The following TTLL5 variants were observed in gnomAD, a reference collection of about 807,000 sequenced individuals.
TTLL5 encodes the protein tubulin tyrosine ligase like 5.
TTLL5 carries 132 observed loss-of-function variants against 168.4 expected under a neutral mutation model. That is an observed-to-expected ratio of 0.78 (90% CI 0.68 to 0.91). TTLL5 has a LOEUF of 0.91. Among genes scored for constraint, TTLL5 ranks in the 40% least tolerant of loss-of-function variants. The pLI is 0.00. For missense variants in TTLL5, 1,545 were observed against 1,581.5 expected (o/e 0.98, Z 0.39); for synonymous variants, 546 against 558.6 (o/e 0.98, Z 0.32).
chr14:75,681,708 G>A lies in TTLL5; in HGVS notation c.264+81G>A, dbSNP rs1042138407. On this transcript the variant is annotated intron_variant, in intron 4 of 31. Transcript: ENST00000298832. Reference sequence around the variant, plus strand: ...ACCTAACTGACTTTACCAGTTAACAGGGCCAGCTCCAGGAAGTACATGGGA... The same window carrying A: ...ACCTAACTGACTTTACCAGTTAACAAGGCCAGCTCCAGGAAGTACATGGGA... The A allele has an allele frequency of 1.4e-5, 17 of 1,221,310 alleles. No homozygotes were observed. The Middle Eastern group carries it at 5.6e-4, about 41-fold the overall frequency. The allele number at this position is 1,221,310 out of a possible 1,614,324, so 75.7% of individuals were successfully genotyped here. A position where few individuals can be genotyped will look rare whatever the true frequency, so the allele number is the denominator to read the frequency against.
intron 30 of TTLL5, among the ~76,000 whole-genome samples, chr14:75,889,868 C>T (rs1489953736): frequency 1.7e-4 from 15 of 88,552 alleles, no homozygotes; most frequent in Non-Finnish European, 2.9e-4. Context: ...AGGGAAGAAG[C>T]GAGGGAGGGA....
chr14:75,681,457 T>G, intron 3 of TTLL5, 88 bp from the exon 4 acceptor site: 1 of 990,434 alleles, frequency 1.0e-6, no homozygotes, highest in Non-Finnish European at 1.6e-6. Flanking sequence ...GTAATGTTAT[T>G]GAGTATAATT....
chr14:75,768,734 G>C (rs573846647), intron 20 of TTLL5, among the ~76,000 whole-genome samples: 2 of 152,192 alleles, frequency 1.3e-5, no homozygotes, highest in South Asian at 4.1e-4. Context: ...ATGCATGATA[G>C]TCTTTATTTC....
chr14:75,745,309 GA>G (rs1358958976), intron 16 of TTLL5, 101 bp downstream of exon 16: 1 of 1,274,212 alleles, frequency 7.8e-7, no homozygotes, highest in African/African-American at 1.5e-5. Flanking sequence ...GTCTTACATT[GA>G]AAAGAGAAAG....
At chr14:75,946,361 A>G (rs749763400) in intron 31 of TTLL5, among the ~76,000 whole-genome samples, 3 of 152,242 alleles carry the variant, frequency 2.0e-5, no homozygotes, top group Admixed American at 1.3e-4. Context: ...AAATGAATAA[A>G]GTATTTAAAA....
intron 3 of TTLL5, among the ~76,000 whole-genome samples, chr14:75,671,653 A>G (rs1644417717): frequency 6.6e-6 from 1 of 152,152 alleles, no homozygotes; most frequent in Non-Finnish European, 1.5e-5. Context: ...TGTTATTGTA[A>G]ATAGAATTGT....
chr14:75,775,219 A>G (rs1019921788), intron 21 of TTLL5, among the ~76,000 whole-genome samples: 11 of 152,040 alleles, frequency 7.2e-5, no homozygotes, highest in African/African-American at 2.7e-4. Context: ...TACAACTGCT[A>G]CTTTATTACA....
intron 31 of TTLL5, among the ~76,000 whole-genome samples, chr14:75,927,295 T>C (rs1314562777): frequency 6.6e-6 from 1 of 152,222 alleles, no homozygotes; most frequent in Non-Finnish European, 1.5e-5. Flanking sequence ...AAGTTATTGT[T>C]AACTATAACC....
rs1478958371 is a variant in TTLL5 at position 75,681,540 on chromosome 14, T to C, written c.182-5T>C. On this transcript the variant is annotated splice_polypyrimidine_tract_variant and splice_region_variant and intron_variant, in intron 3 of 31. Transcript: ENST00000298832. ...GTTACTGAACTTGATTCTGTTTTTC[T>C]TTAGAACGTTATCATTTGTCTTATA... The C allele has an allele frequency of 2.5e-6, 4 of 1,612,316 alleles. No homozygotes were observed. The highest frequency in any genetic ancestry group is 8.5e-7 in the Non-Finnish European group (1 of 1,179,596).
chr14:75,757,514 C>G (rs563040812), intron 18 of TTLL5, among the ~76,000 whole-genome samples: 1 of 152,308 alleles, frequency 6.6e-6, no homozygotes, highest in African/African-American at 2.4e-5. Flanking sequence ...GAATTAACAA[C>G]CTTCTTCACA....
intron 28 of TTLL5, among the ~76,000 whole-genome samples, chr14:75,843,989 T>G (rs1242817033): frequency 6.6e-6 from 1 of 151,732 alleles, no homozygotes; most frequent in African/African-American, 2.4e-5. Context: ...ACCTCCCAAG[T>G]TCAGGAGATT....
intron 31 of TTLL5, among the ~76,000 whole-genome samples, chr14:75,914,033 A>AAAAAAAAAAAAAAATATATATATAT: frequency 3.7e-4 from 26 of 71,048 alleles, no homozygotes; most frequent in East Asian, 1.3e-3. Context: ...AAAAAAAAAA[A>AAAAAAAAAAAAAAATATATATATAT]ATATATATAT....
chr14:75,763,931 T>C (rs1174184368), intron 18 of TTLL5, among the ~76,000 whole-genome samples: 1 of 152,198 alleles, frequency 6.6e-6, no homozygotes, highest in Non-Finnish European at 1.5e-5. Flanking sequence ...ACTTAACGCC[T>C]GTAAAGTCCC....
chr14:75,908,155 G>A (rs553342843), intron 31 of TTLL5, among the ~76,000 whole-genome samples: 25 of 152,352 alleles, frequency 1.6e-4, no homozygotes, highest in Middle Eastern at 3.4e-3. Flanking sequence ...GACTGATGCT[G>A]TGCTTTGTGA....
At chr14:75,772,808 C>T (rs1891428208) in intron 21 of TTLL5, among the ~76,000 whole-genome samples, 2 of 152,158 alleles carry the variant, frequency 1.3e-5, no homozygotes, top group Admixed American at 1.3e-4. Context: ...GCTGTGATTA[C>T]AGGCACCCAC....
chr14:75,933,461 C>G (rs79261088), intron 31 of TTLL5, among the ~76,000 whole-genome samples: 1 of 152,072 alleles, frequency 6.6e-6, no homozygotes, highest in African/African-American at 2.4e-5. Context: ...GACTCTATCT[C>G]AAAAAATAAA....
At chr14:75,910,213 T>G (rs2033316392) in intron 31 of TTLL5, among the ~76,000 whole-genome samples, 1 of 152,238 alleles carries the variant, frequency 6.6e-6, no homozygotes, top group Non-Finnish European at 1.5e-5. Flanking sequence ...TACTTTGTTA[T>G]AAAGAGACAC....
Position 75,735,233 on chromosome 14 carries a change from C to A in TTLL5, c.1225C>A (p.Arg409=), listed in dbSNP as rs762730947. The change falls in exon 15 of 32, where the codon CGG becomes AGG. Residue 409 remains arginine, a synonymous_variant. Transcript: ENST00000298832. ...CQDPAQRAST[R]PIYPTFESSR... is the part of the protein sequence containing the mutation. ...AGATCCTGCCCAGCGGGCATCAACT[C>A]GGCCAATTTATCCCACCTTTGAGTC... The A allele has an allele frequency of 6.2e-7, 1 of 1,614,214 alleles. No individual in the cohort carries two copies. Among genetic ancestry groups the A allele is most frequent in the East Asian group, 2.2e-5 (1 of 44,892 alleles).
intron 18 of TTLL5, chr14:75,757,720 T>C: frequency 2.3e-6 from 2 of 869,088 alleles, no homozygotes; most frequent in Non-Finnish European, 3.3e-6. Flanking sequence ...CTTGGCCTAA[T>C]GTCATGTTGA....
Sources: gnomAD v4.1 joint callset for allele counts (sites outside exome capture counted in the v4.1 genomes callset) on GRCh38, gnomAD v4.1.1 for gene constraint, MANE v1.5 for transcripts, NCBI Gene and HGNC (gene_info 2026-07-23, HGNC 2026-07-21) for gene names.